Variants in CCSER1 observed in about 807,000 individuals in gnomAD.
CCSER1 encodes serine-rich coiled-coil domain-containing protein 1.
CCSER1 carries 41 observed loss-of-function variants against 82.0 expected under a neutral mutation model. That is an observed-to-expected ratio of 0.50 (90% confidence interval 0.39 to 0.65). CCSER1 has a LOEUF of 0.65. CCSER1 is among the 30% of genes least tolerant of loss of function. The probability of loss-of-function intolerance (pLI) is 0.00; values close to 1 mark genes in which losing one functional copy is unlikely to be tolerated. For synonymous variants in CCSER1, 414 were observed against 383.9 expected (o/e 1.08, Z -0.92); for missense variants, 1,119 against 1,064.2 (o/e 1.05, Z -0.72).
chr4:91,236,809 A>C (rs1221903337), intron 10 of CCSER1, among the ~76,000 whole-genome samples: 1 of 152,226 alleles, frequency 6.6e-6, no homozygotes, highest in Non-Finnish European at 1.5e-5. Flanking sequence ...CTAACTCAGT[A>C]GACATTGGGA....
intron 10 of CCSER1, among the ~76,000 whole-genome samples, chr4:91,449,564 G>C (rs1560681088): frequency 6.6e-6 from 1 of 151,888 alleles, no homozygotes; most frequent in Non-Finnish European, 1.5e-5. Flanking sequence ...CCTTCTCTCT[G>C]AACTTCACCA....
intron 10 of CCSER1, among the ~76,000 whole-genome samples, chr4:91,351,766 T>C (rs548653242): frequency 3.4e-5 from 5 of 145,594 alleles, no homozygotes; most frequent in Admixed American, 6.7e-5. Context: ...AATGTTATGA[T>C]TTTTTTTTAA....
rs1384797304 is a variant in CCSER1 at position 90,692,013 on chromosome 4, AT to A, written c.1933-31899del. On this transcript the variant is annotated intron_variant, in intron 6 of 10. Transcript: ENST00000509176. ...ATTTTTTAAAATTTTGCAATTAAAT[AT>A]TCTTTTACAATTCAATGTGTGTATA... is the stretch of plus-strand genomic sequence containing the variant. 1.3e-4 allele frequency among the ~76,000 whole-genome samples: 19 copies of A among 148,546 alleles called. No individual in the cohort carries two copies. In the South Asian group the frequency reaches 2.1e-3, roughly 17 times the overall value.
chr4:90,675,547 A>G (rs1385451478), intron 6 of CCSER1, among the ~76,000 whole-genome samples: 2 of 150,282 alleles, frequency 1.3e-5, no homozygotes, highest in East Asian at 1.9e-4. Context: ...GGGTAGACCA[A>G]TTTTTTTTTG....
chr4:91,343,467 TA>T (rs776111833), intron 10 of CCSER1, among the ~76,000 whole-genome samples: 2 of 152,086 alleles, frequency 1.3e-5, no homozygotes, highest in African/African-American at 2.4e-5. Context: ...ACTTACCATT[TA>T]AAAAAATACA....
chr4:91,009,492 T>C (rs901872397), intron 9 of CCSER1, among the ~76,000 whole-genome samples: 16 of 152,272 alleles, frequency 1.1e-4, no homozygotes, highest in African/African-American at 3.6e-4. Context: ...TAGGGATTCT[T>C]AGTCAGCCTA....
chr4:91,364,590 A>G (rs1363758637), intron 10 of CCSER1, among the ~76,000 whole-genome samples: 1 of 152,102 alleles, frequency 6.6e-6, no homozygotes, highest in Non-Finnish European at 1.5e-5. Context: ...TGAAGAGTTA[A>G]TTCTCATATT....
intron 6 of CCSER1, among the ~76,000 whole-genome samples, chr4:90,720,079 G>C (rs1253687286): frequency 6.6e-6 from 1 of 152,092 alleles, no homozygotes; most frequent in Non-Finnish European, 1.5e-5. Context: ...TGTTCGAATT[G>C]TTCCAGCTTT....
chr4:91,073,243 A>C (rs1721619691), intron 9 of CCSER1, among the ~76,000 whole-genome samples: 1 of 152,064 alleles, frequency 6.6e-6, no homozygotes. Context: ...AACTCCATAA[A>C]ATTTTCAAAC....
chr4:91,362,516 A>T (rs986653432), intron 10 of CCSER1, among the ~76,000 whole-genome samples: 3 of 151,854 alleles, frequency 2.0e-5, no homozygotes, highest in African/African-American at 7.2e-5. Context: ...TTTAAAGTCC[A>T]AAATATTTTG....
intron 3 of CCSER1, among the ~76,000 whole-genome samples, chr4:90,352,698 A>G (rs1743703072): frequency 1.3e-5 from 2 of 152,178 alleles, no homozygotes; most frequent in African/African-American, 2.4e-5. Context: ...ATATACACAC[A>G]CACACACACG....
intron 5 of CCSER1, among the ~76,000 whole-genome samples, chr4:90,476,600 C>T (rs1017236022): frequency 2.6e-5 from 4 of 151,582 alleles, no homozygotes; most frequent in East Asian, 3.9e-4. Flanking sequence ...GCTCATTATT[C>T]GCTGGTTTAT....
intron 4 of CCSER1, among the ~76,000 whole-genome samples, chr4:90,418,406 T>C (rs888244220): frequency 1.3e-5 from 2 of 152,012 alleles, no homozygotes; most frequent in African/African-American, 4.8e-5. Context: ...AAGTATAGAA[T>C]GCCACAGCAC....
chr4:90,967,711 A>G (rs1734706276), intron 9 of CCSER1, among the ~76,000 whole-genome samples: 1 of 152,060 alleles, frequency 6.6e-6, no homozygotes, highest in African/African-American at 2.4e-5. Context: ...TTTCAACAAA[A>G]TTAAGAATTT....
intron 1 of CCSER1, among the ~76,000 whole-genome samples, chr4:90,271,537 C>T (rs943371756): frequency 1.1e-4 from 17 of 151,814 alleles, no homozygotes; most frequent in African/African-American, 4.1e-4. Context: ...TGTGAAACTA[C>T]TAAAATAAAA....
intron 3 of CCSER1, among the ~76,000 whole-genome samples, chr4:90,348,055 A>C (rs1001799658): frequency 6.6e-6 from 1 of 152,258 alleles, no homozygotes; most frequent in East Asian, 1.9e-4. Flanking sequence ...TATAAATGGG[A>C]GCTAAATGAT....
intron 9 of CCSER1, among the ~76,000 whole-genome samples, chr4:90,927,088 G>A (rs1472551425): frequency 6.6e-6 from 1 of 151,994 alleles, no homozygotes; most frequent in African/African-American, 2.4e-5. Context: ...CTTATATTCT[G>A]ACAGTGAGAA....
intron 5 of CCSER1, among the ~76,000 whole-genome samples, chr4:90,488,079 A>G (rs1767394478): frequency 6.6e-6 from 1 of 152,242 alleles, no homozygotes; most frequent in African/African-American, 2.4e-5. Context: ...AGACCTTCAG[A>G]GATAGCATGT....
intron 1 of CCSER1, among the ~76,000 whole-genome samples, chr4:90,218,729 A>T (rs910748450): frequency 8.5e-5 from 13 of 152,166 alleles, no homozygotes; most frequent in African/African-American, 2.9e-4. Context: ...AAATAACTTG[A>T]AAAAGATTAG....
Sources: gnomAD v4.1 joint callset for allele counts (sites outside exome capture counted in the v4.1 genomes callset) on GRCh38, gnomAD v4.1.1 for gene constraint, MANE v1.5 for transcripts, NCBI Gene and HGNC (gene_info 2026-07-23, HGNC 2026-07-21) for gene names.